Variants in KCNIP1 observed in about 807,000 individuals in gnomAD.
KCNIP1 encodes the protein A-type potassium channel modulatory protein KCNIP1.
In KCNIP1, 18 loss-of-function variants were observed where a neutral mutation model predicts 33.0. The ratio of observed to expected loss-of-function variants is 0.55; its 90% CI spans 0.38 to 0.81. The LOEUF (loss-of-function observed/expected upper bound fraction) is 0.81, where lower values mean the gene tolerates loss of function less well. Ranked by LOEUF, KCNIP1 falls within the 30% of genes least tolerant of loss-of-function variation. The probability of loss-of-function intolerance (pLI) is 0.00; values close to 1 mark genes in which losing one functional copy is unlikely to be tolerated. For synonymous variants in KCNIP1, 93 were observed against 98.3 expected (o/e 0.95, Z 0.32); for missense variants, 238 against 271.6 (o/e 0.88, Z 0.87).
At chr5:170,486,837 C>A (rs1757103454) in intron 1 of KCNIP1, among the ~76,000 whole-genome samples, 1 of 152,210 alleles carries the variant, frequency 6.6e-6, no homozygotes, top group South Asian at 2.1e-4. Flanking sequence ...ACCTGCCACC[C>A]TGAGCACACC....
chr5:170,705,262 G>T (rs1484701083), intron 1 of KCNIP1, among the ~76,000 whole-genome samples: 1 of 152,174 alleles, frequency 6.6e-6, no homozygotes, highest in South Asian at 2.1e-4. Context: ...CAGTTAAGAG[G>T]CTTCAGAGCT....
intron 1 of KCNIP1, among the ~76,000 whole-genome samples, chr5:170,456,677 T>C (rs1756382692): frequency 7.2e-6 from 1 of 138,918 alleles, no homozygotes; most frequent in Admixed American, 7.4e-5. Context: ...TTCTTTCTCT[T>C]TCTTTCTTTC....
At chr5:170,529,446 A>G (rs1233236471) in intron 1 of KCNIP1, among the ~76,000 whole-genome samples, 1 of 152,158 alleles carries the variant, frequency 6.6e-6, no homozygotes, top group East Asian at 1.9e-4. Flanking sequence ...AATGGACTGT[A>G]TTTGTGGGGA....
chr5:170,411,384 C>A (rs1040524880), intron 1 of KCNIP1, among the ~76,000 whole-genome samples: 2 of 152,184 alleles, frequency 1.3e-5, no homozygotes, highest in African/African-American at 4.8e-5. Context: ...CCTTCAAAGA[C>A]CAAGTTCTCA....
At chr5:170,687,963 G>C (rs1162112882) in intron 1 of KCNIP1, among the ~76,000 whole-genome samples, 1 of 152,096 alleles carries the variant, frequency 6.6e-6, no homozygotes, top group Admixed American at 6.6e-5. Context: ...ACAATGCCAA[G>C]ACTGGAAAAG....
chr5:170,532,524 GCTCT>G (rs1331597148), intron 1 of KCNIP1, among the ~76,000 whole-genome samples: 4 of 152,234 alleles, frequency 2.6e-5, no homozygotes, highest in African/African-American at 4.8e-5. Flanking sequence ...GCATGCATGT[GCTCT>G]CTCTTTCTCT....
chr5:170,469,646 C>T (rs946566708), intron 1 of KCNIP1, among the ~76,000 whole-genome samples: 4 of 152,162 alleles, frequency 2.6e-5, no homozygotes, highest in Admixed American at 6.5e-5. Flanking sequence ...TTACCAAACC[C>T]GCTAGAGGCT....
chr5:170,717,086 T>C (rs1007620146), intron 1 of KCNIP1, among the ~76,000 whole-genome samples: 4 of 152,240 alleles, frequency 2.6e-5, no homozygotes, highest in African/African-American at 9.6e-5. Context: ...TGTGAATATA[T>C]GCACAGATAA....
chr5:170,386,339 G>A (rs912941023), intron 1 of KCNIP1, among the ~76,000 whole-genome samples: 1 of 152,150 alleles, frequency 6.6e-6, no homozygotes, highest in Admixed American at 6.6e-5. Flanking sequence ...AGCTGGCGGG[G>A]GCAAGGAACA....
chr5:170,598,888 G>A (rs71605766), intron 1 of KCNIP1, among the ~76,000 whole-genome samples: 2 of 111,748 alleles, frequency 1.8e-5, no homozygotes, highest in East Asian at 2.7e-4. Flanking sequence ...CCATAGCCCC[G>A]CTGTGTGTGT....
chr5:170,417,404 T>C (rs1290119967), intron 1 of KCNIP1, among the ~76,000 whole-genome samples: 1 of 152,244 alleles, frequency 6.6e-6, no homozygotes, highest in Admixed American at 6.5e-5. Flanking sequence ...AATCTGTCTC[T>C]TCTGGGGAAT....
At chr5:170,528,419 G>A (rs766138666) in intron 1 of KCNIP1, among the ~76,000 whole-genome samples, 9 of 152,208 alleles carry the variant, frequency 5.9e-5, no homozygotes, top group Admixed American at 1.3e-4. Flanking sequence ...TGCAAGCTGG[G>A]TGACCTTCCT....
rs992264417 is a variant in KCNIP1 at position 170,395,073 on chromosome 5, C to T, written c.88+41109C>T. 1.5e-4 allele frequency among the ~76,000 whole-genome samples: 23 copies of T among 152,218 alleles called. 1 individual carries two copies. The highest frequency in any genetic ancestry group is 1.2e-3 in the Admixed American group (19 of 15,292). ...GCAATAAATGTACAAGTGCAGGTCT[C>T]TTTATGGTAGAATACTTTATTTTCC... is the stretch of plus-strand genomic sequence containing the variant. On this transcript the variant is annotated intron_variant, in intron 1 of 7. Coordinates refer to the KCNIP1 transcript ENST00000377360.
At chr5:170,401,787 A>G (rs1754911196) in intron 1 of KCNIP1, among the ~76,000 whole-genome samples, 1 of 151,892 alleles carries the variant, frequency 6.6e-6, no homozygotes, top group African/African-American at 2.4e-5. Flanking sequence ...CTCATAATTT[A>G]CTGAGTGCCT....
At chr5:170,369,022 C>T (rs1258325625) in intron 1 of KCNIP1, among the ~76,000 whole-genome samples, 1 of 152,128 alleles carries the variant, frequency 6.6e-6, no homozygotes, top group African/African-American at 2.4e-5. Context: ...CATTGGTGAA[C>T]CTAGATGAAG....
Position 170,722,604 on chromosome 5 carries a change from A to T in KCNIP1, c.328-109A>T, listed in dbSNP as rs139602463. On this transcript the variant is annotated intron_variant, in intron 4 of 7. Coordinates refer to ENST00000328939, the MANE Select transcript of KCNIP1 (RefSeq NM_014592.4). ...CCACATCCTCCAGGCAGACAAGAGG[A>T]CGCAGGAGGCACCATTCTGTGAGAG... The T allele has an allele frequency of 3.2e-3, 2,444 of 763,402 alleles. 9 individuals are homozygous for T. Among genetic ancestry groups the T allele is most frequent in the Non-Finnish European group, 4.6e-3 (1,977 of 427,836 alleles). The allele number at this position is 763,402 out of a possible 1,614,324, so 47.3% of individuals were successfully genotyped here. A position where few individuals can be genotyped will look rare whatever the true frequency, so the allele number is the denominator to read the frequency against.
intron 1 of KCNIP1, among the ~76,000 whole-genome samples, chr5:170,543,279 TAAG>T (rs1349754232): frequency 2.0e-5 from 3 of 152,216 alleles, no homozygotes; most frequent in Non-Finnish European, 4.4e-5. Context: ...CTCATTTTTC[TAAG>T]AATAATTGGT....
intron 1 of KCNIP1, among the ~76,000 whole-genome samples, chr5:170,713,111 A>G (rs561541987): frequency 1.6e-4 from 24 of 152,352 alleles, no homozygotes; most frequent in Middle Eastern, 3.4e-3. Flanking sequence ...CCTTTTACAG[A>G]CATTTGTAAA....
intron 1 of KCNIP1, chr5:170,483,833 G>A (rs1287351116): frequency 6.6e-6 from 1 of 152,208 alleles, no homozygotes; most frequent in African/African-American, 2.4e-5. Flanking sequence ...CATGCAAGAC[G>A]CAATGATAAT....
Sources: allele counts gnomAD v4.1 joint callset (sites outside exome capture counted in the v4.1 genomes callset), GRCh38; gene constraint gnomAD v4.1.1; transcripts MANE v1.5; gene names NCBI Gene and HGNC (gene_info 2026-07-23, HGNC 2026-07-21).